The following CUX1 variants were observed in gnomAD, a reference collection of about 807,000 sequenced individuals.
CUX1 encodes protein CASP.
Under a neutral mutation model 158.8 loss-of-function variants are expected in CUX1, and 31 were observed. That is an observed-to-expected ratio of 0.20 (90% CI 0.15 to 0.26). The LOEUF is 0.26. Ranked by LOEUF, CUX1 falls within the 10% of genes least tolerant of loss-of-function variation. The pLI, the probability that CUX1 is intolerant of heterozygous loss-of-function variation, is 1.00. For synonymous variants in CUX1, 879 were observed against 862.1 expected, an observed-to-expected ratio of 1.02 and a Z score of -0.34; for missense variants, 1,589 against 2,014.6, an observed-to-expected ratio of 0.79 and a Z score of 4.04.
At position 102,249,023 on chromosome 7, in the gene CUX1, C is replaced by A. The variant is rs782303466; in HGVS notation, c.4499C>A (p.Pro1500His). Residue 1500 changes from proline (P) to histidine (H), a missense_variant, in exon 24 of 24, where the codon CCT becomes CAT. Coordinates refer to ENST00000292535, the MANE Select transcript of CUX1 (RefSeq NM_181552.4). ...RLEKAASREEPIEWEF is the reference protein window; with the variant it reads ...RLEKAASREEHIEWEF ...GAGAAGGCCGCCAGCCGGGAGGAAC[C>A]TATCGAATGGGAGTTCTGAGGGGCC... The A allele has an allele frequency of 3.6e-6, 5 of 1,376,530 alleles. No individual in the cohort carries two copies. The East Asian group carries it at 8.9e-5, about 25-fold the overall frequency. The allele number at this position is 1,376,530 out of a possible 1,614,324, so 85.3% of individuals were successfully genotyped here.
chr7:102,007,754 T>G (rs537378739), intron 2 of CUX1, among the ~76,000 whole-genome samples: 3 of 150,244 alleles, frequency 2.0e-5, no homozygotes, highest in Non-Finnish European at 4.5e-5. Context: ...TTTTGTTTTG[T>G]TTTTTTTGAG....
At position 102,217,111 on chromosome 7, in the gene CUX1, G is replaced by T. The variant is rs1797308398; in HGVS notation, c.3131-10256G>T. 2.0e-5 allele frequency among the ~76,000 whole-genome samples: 3 copies of T among 152,320 alleles called. 1 individual carries two copies. Among genetic ancestry groups the T allele is most frequent in the Admixed American group, 6.5e-5 (1 of 15,290 alleles). On this transcript the variant is annotated intron_variant, in intron 20 of 23. Transcript: ENST00000292535. ...ATTTGAAAGCATCATTTCTAAATCA[G>T]TATGGATCTGCAGAAAAGCCGGAAC... is the stretch of plus-strand genomic sequence containing the variant.
At chr7:102,171,790 T>G (rs1791747009) in intron 10 of CUX1, among the ~76,000 whole-genome samples, 1 of 152,170 alleles carries the variant, frequency 6.6e-6, no homozygotes, top group Non-Finnish European at 1.5e-5. Flanking sequence ...ACTAGTTCAC[T>G]TACAAACCTC....
intron 13 of CUX1, 22 bp downstream of exon 13, chr7:102,193,912 TC>T: frequency 6.2e-7 from 1 of 1,613,244 alleles, no homozygotes. Context: ...ACCTCAATGG[TC>T]AGCACTAGCA....
chr7:102,157,279 C>A (rs1789876236), intron 8 of CUX1, among the ~76,000 whole-genome samples: 1 of 152,100 alleles, frequency 6.6e-6, no homozygotes, highest in African/African-American at 2.4e-5. Flanking sequence ...TCAACCCCAA[C>A]CAGGTCCCTG....
intron 4 of CUX1, among the ~76,000 whole-genome samples, chr7:102,095,127 G>T (rs1829046103): frequency 6.6e-6 from 1 of 151,922 alleles, no homozygotes; most frequent in South Asian, 2.1e-4. Context: ...AAGCCCCCCA[G>T]TAGCTGGGAC....
intron 1 of CUX1, among the ~76,000 whole-genome samples, chr7:101,854,847 C>T (rs1357149207): frequency 2.6e-5 from 4 of 152,336 alleles, no homozygotes; most frequent in East Asian, 1.9e-4. Flanking sequence ...TGGGTTCAAG[C>T]GATTCTTGTG....
chr7:102,157,068 G>A (rs1358327417), intron 8 of CUX1, among the ~76,000 whole-genome samples: 4 of 152,222 alleles, frequency 2.6e-5, no homozygotes, highest in Admixed American at 6.5e-5. Flanking sequence ...GCCTAGTGCC[G>A]AGGAAGGCCT....
At chr7:101,865,493 T>C (rs1797851626) in intron 1 of CUX1, among the ~76,000 whole-genome samples, 1 of 152,214 alleles carries the variant, frequency 6.6e-6, no homozygotes, top group African/African-American at 2.4e-5. Context: ...TTATCATGTT[T>C]CTCATGCTGT....
Position 101,973,353 on chromosome 7 carries a change from C to T in CUX1, c.142-54745C>T, listed in dbSNP as rs139046458. Among the ~76,000 whole-genome samples, 796 of 152,224 alleles carry T rather than the reference C, an allele frequency of 5.2e-3. 6 individuals carry two copies. Among genetic ancestry groups the T allele is most frequent in the African/African-American group, 0.018 (758 of 41,532 alleles). On this transcript the variant is annotated intron_variant, in intron 2 of 23. Coordinates refer to ENST00000292535, the MANE Select transcript of CUX1 (RefSeq NM_181552.4). ...CGTTCATCACGGCTCCCAGAAGGCA[C>T]GTGTTTTTAATGAGAGGCTCATTTC...
At chr7:102,154,503 C>A (rs1205492042) in intron 8 of CUX1, 1 of 151,484 alleles carries the variant, frequency 6.6e-6, no homozygotes, top group African/African-American at 2.4e-5. Context: ...CGCCTGTAGT[C>A]CTAGCTGTTA....
intron 8 of CUX1, among the ~76,000 whole-genome samples, chr7:102,126,758 G>A (rs1428769487): frequency 2.6e-5 from 4 of 152,128 alleles, no homozygotes; most frequent in East Asian, 1.9e-4. Flanking sequence ...AGTGGGGGGC[G>A]CGGTTCAGGA....
chr7:102,144,913 CCTCGT>C (rs1563306093), intron 8 of CUX1, among the ~76,000 whole-genome samples: 1 of 151,464 alleles, frequency 6.6e-6, no homozygotes, highest in Non-Finnish European at 1.5e-5. Context: ...CATGGCAAAA[CCTCGT>C]CTCTACTAAA....
At chr7:102,017,265 T>G (rs1170778155) in intron 2 of CUX1, among the ~76,000 whole-genome samples, 2 of 132,158 alleles carry the variant, frequency 1.5e-5, no homozygotes, top group African/African-American at 5.9e-5. Context: ...CACTCCGGCC[T>G]GGGGGACACA....
intron 20 of CUX1, among the ~76,000 whole-genome samples, chr7:102,221,748 A>G (rs1240599392): frequency 2.0e-5 from 3 of 151,968 alleles, no homozygotes; most frequent in African/African-American, 7.3e-5. Context: ...AAAAAAAAAA[A>G]AAAAAAAAAA....
downstream of CUX1, among the ~76,000 whole-genome samples, chr7:102,259,755 AAAG>A (rs782119029): frequency 0.49 from 46,454 of 95,274 alleles, 7,784 homozygotes; most frequent in Admixed American, 0.52. Flanking sequence ...AAAAAAAAAA[AAAG>A]AAAGAAAAGA....
At chr7:102,124,942 C>T (rs1277479073) in intron 8 of CUX1, among the ~76,000 whole-genome samples, 1 of 151,978 alleles carries the variant, frequency 6.6e-6, no homozygotes, top group African/African-American at 2.4e-5. Flanking sequence ...GCACCACGCC[C>T]AGCTAATTTT....
At chr7:102,018,083 A>T (rs1333421337) in intron 2 of CUX1, among the ~76,000 whole-genome samples, 1 of 152,082 alleles carries the variant, frequency 6.6e-6, no homozygotes, top group Admixed American at 6.6e-5. Flanking sequence ...CACCCTTCCG[A>T]GTAGCTCGCA....
At chr7:101,840,780 C>A (rs1034783830) in intron 1 of CUX1, among the ~76,000 whole-genome samples, 1 of 152,116 alleles carries the variant, frequency 6.6e-6, no homozygotes, top group African/African-American at 2.4e-5. Flanking sequence ...TGATAGCTCA[C>A]CTTTGAAACC....
Sources: allele counts gnomAD v4.1 joint callset (sites outside exome capture counted in the v4.1 genomes callset), GRCh38; gene constraint gnomAD v4.1.1; transcripts MANE v1.5; gene names NCBI Gene and HGNC (gene_info 2026-07-23, HGNC 2026-07-21).